ABTB2: variants seen among roughly 807,000 people sequenced by gnomAD.
The protein encoded by ABTB2 is ankyrin repeat and BTB domain containing 2.
ABTB2 carries 56 observed loss-of-function variants against 104.1 expected under a neutral mutation model. The ratio of observed to expected loss-of-function variants is 0.54; its 90% CI spans 0.43 to 0.67. The LOEUF is 0.67. ABTB2 is among the 30% of genes least tolerant of loss of function. ABTB2 has a pLI of 0.00. For synonymous variants in ABTB2, 606 were observed against 608.2 expected (o/e 1.00, Z 0.05); for missense variants, 1,279 against 1,407.7 (o/e 0.91, Z 1.46).
chr11:34,189,982 G>A (rs1457841786), intron 3 of ABTB2, among the ~76,000 whole-genome samples: 1 of 152,204 alleles, frequency 6.6e-6, no homozygotes, highest in Non-Finnish European at 1.5e-5. Flanking sequence ...GCTCATGCCT[G>A]TAATCTCAGC....
chr11:34,167,920 C>T lies in ABTB2; in HGVS notation c.1636G>A (p.Ala546Thr), dbSNP rs781717998. ...TTCCTCACCTGGATGTCCAAGTTTG[C>T]CCCAGCATCAATCAACATCTGGACC... ...AMVQMLIDAG[A>T]NLDIQVPSNS... Residue 546 changes from alanine to threonine, a missense_variant, in exon 6 of 17, where the codon GCA becomes ACA. Ala to Thr is a moderately conservative substitution (Grantham distance 58, BLOSUM62 0). Transcript: ENST00000435224. 5 of 1,614,222 alleles carry T rather than the reference C, an allele frequency of 3.1e-6. No homozygotes were observed. The highest frequency in any genetic ancestry group is 3.4e-6 in the Non-Finnish European group (4 of 1,180,054).
chr11:34,259,088 T>G (rs1179660919), intron 1 of ABTB2, among the ~76,000 whole-genome samples: 1 of 152,236 alleles, frequency 6.6e-6, no homozygotes. Flanking sequence ...GCTGCTATTG[T>G]TAATTCTTGC....
At chr11:34,320,357 G>T (rs1177866998) in intron 1 of ABTB2, among the ~76,000 whole-genome samples, 1 of 152,118 alleles carries the variant, frequency 6.6e-6, no homozygotes, top group African/African-American at 2.4e-5. Context: ...ATTTCCTGGG[G>T]GAATTGAAGT....
intron 3 of ABTB2, among the ~76,000 whole-genome samples, chr11:34,188,807 C>A (rs533538722): frequency 6.6e-6 from 1 of 152,356 alleles, no homozygotes; most frequent in African/African-American, 2.4e-5. Context: ...ACTGAACACA[C>A]AGCCTATCTG....
At chr11:34,185,126 C>T (rs1853080813) in intron 3 of ABTB2, among the ~76,000 whole-genome samples, 1 of 152,192 alleles carries the variant, frequency 6.6e-6, no homozygotes, top group Non-Finnish European at 1.5e-5. Flanking sequence ...ACTCACCTTC[C>T]CCAACTCTCA....
chr11:34,193,915 C>G (rs1239763387), intron 3 of ABTB2, among the ~76,000 whole-genome samples: 1 of 152,212 alleles, frequency 6.6e-6, no homozygotes, highest in African/African-American at 2.4e-5. Context: ...CTCCCACTGT[C>G]TCTTCTCCCA....
chr11:34,158,467 T>C (rs1233863518), intron 14 of ABTB2, among the ~76,000 whole-genome samples: 1 of 152,188 alleles, frequency 6.6e-6, no homozygotes, highest in Non-Finnish European at 1.5e-5. Flanking sequence ...TGTGAGACTC[T>C]GGGGTTTGCA....
intron 1 of ABTB2, among the ~76,000 whole-genome samples, chr11:34,343,636 C>G (rs1375411750): frequency 5.8e-4 from 88 of 151,040 alleles, no homozygotes; most frequent in Middle Eastern, 3.4e-3. Context: ...CACCACACCG[C>G]CTCATTTCTG....
rs1359748633 is a variant in ABTB2, at chr11:34,204,616, A to G, written c.958T>C (p.Tyr320His). The G allele has an allele frequency of 6.2e-7, 1 of 1,613,814 alleles. No homozygotes were observed. The highest frequency in any genetic ancestry group is 1.1e-5 in the South Asian group (1 of 91,066). Residue 320 changes from tyrosine (Y) to histidine (H), a missense_variant, in exon 2 of 17, where the codon TAT (tyrosine) becomes CAT (histidine). Tyr to His is a moderately conservative substitution (Grantham distance 83, BLOSUM62 2). Transcript: ENST00000435224. Reference sequence around the variant, plus strand: ...AGGGTTCGGAGCTCCAGCTGGGCATAGGCATCGGCTCGCTCGTCATGGCCC... The same window carrying G: ...AGGGTTCGGAGCTCCAGCTGGGCATGGGCATCGGCTCGCTCGTCATGGCCC... Reference protein sequence around the residue: ...SLGHDERADAYAQLELRTLEQ... With the variant: ...SLGHDERADAHAQLELRTLEQ...
chr11:34,305,616 T>C (rs1020638699), intron 1 of ABTB2, among the ~76,000 whole-genome samples: 10 of 152,246 alleles, frequency 6.6e-5, no homozygotes, highest in African/African-American at 2.4e-4. Flanking sequence ...TATCTTAATA[T>C]ATTTCATTCA....
chr11:34,200,357 A>G (rs920054324), intron 2 of ABTB2, among the ~76,000 whole-genome samples: 20 of 152,240 alleles, frequency 1.3e-4, no homozygotes, highest in Admixed American at 1.2e-3. Flanking sequence ...CAAGAAAATC[A>G]AGAAAGAAAT....
At chr11:34,346,690 A>T (rs761388339) in intron 1 of ABTB2, among the ~76,000 whole-genome samples, 4 of 152,098 alleles carry the variant, frequency 2.6e-5, no homozygotes, top group Admixed American at 2.0e-4. Flanking sequence ...GCCCTTGGGG[A>T]ATCTAGTCTG....
rs150829339 is a variant in ABTB2, at chr11:34,201,699, C to T, written c.1030+2845G>A. 3.1e-3 allele frequency among the ~76,000 whole-genome samples: 469 copies of T among 152,284 alleles called. 3 individuals carry two copies. Among genetic ancestry groups the T allele is most frequent in the African/African-American group, 0.011 (447 of 41,542 alleles). ...CAGGGAGAAAAACTGCAATATCTGC[C>T]TCCACCTCTGTCTCCTCCCTCCTCC... On this transcript the variant is annotated intron_variant, in intron 2 of 16. Coordinates refer to ENST00000435224, the MANE Select transcript of ABTB2 (RefSeq NM_145804.3).
At chr11:34,282,700 T>C (rs1590240690) in intron 1 of ABTB2, among the ~76,000 whole-genome samples, 1 of 151,662 alleles carries the variant, frequency 6.6e-6, no homozygotes, top group Non-Finnish European at 1.5e-5. Context: ...CTAATTTTTT[T>C]TTCTTTTTTT....
intron 5 of ABTB2, among the ~76,000 whole-genome samples, chr11:34,170,681 A>G (rs746473378): frequency 2.6e-5 from 4 of 152,244 alleles, no homozygotes; most frequent in African/African-American, 4.8e-5. Flanking sequence ...CTGTCCAGCC[A>G]GGGAAGCGGA....
chr11:34,159,073 C>T lies in ABTB2; in HGVS notation c.2697+223G>A, dbSNP rs549002466. Among the ~76,000 whole-genome samples, 11 of 152,338 alleles carry T rather than the reference C, an allele frequency of 7.2e-5. No homozygotes were observed. The South Asian group carries it at 1.9e-3, about 26-fold the overall frequency. On this transcript the variant is annotated intron_variant, in intron 14 of 16. Coordinates refer to ENST00000435224, the MANE Select transcript of ABTB2 (RefSeq NM_145804.3). ...CAGGCTGCCCAGACCACCTGTCCAG[C>T]GGTTAGAGCTCAGGACCCATGTGAC...
chr11:34,353,183 G>A (rs1855420529), intron 1 of ABTB2, among the ~76,000 whole-genome samples: 1 of 152,152 alleles, frequency 6.6e-6, no homozygotes, highest in Admixed American at 6.5e-5. Context: ...TGTACACCCT[G>A]GATACTTCTT....
chr11:34,189,485 C>G (rs1342952155), intron 3 of ABTB2, among the ~76,000 whole-genome samples: 1 of 152,040 alleles, frequency 6.6e-6, no homozygotes, highest in African/African-American at 2.4e-5. Flanking sequence ...CCAACAGTCC[C>G]AGCTACTCAG....
At chr11:34,170,264 G>C (rs1434880769) in intron 5 of ABTB2, among the ~76,000 whole-genome samples, 1 of 152,226 alleles carries the variant, frequency 6.6e-6, no homozygotes, top group Non-Finnish European at 1.5e-5. Context: ...CTGCTGTCAA[G>C]AGGAAGTGAG....
Sources: allele counts gnomAD v4.1 joint callset (sites outside exome capture counted in the v4.1 genomes callset), GRCh38; gene constraint gnomAD v4.1.1; transcripts MANE v1.5; gene names NCBI Gene and HGNC (gene_info 2026-07-23, HGNC 2026-07-21).